Variants in PPP3CA observed in about 807,000 individuals in gnomAD.
PPP3CA encodes protein phosphatase 3 catalytic subunit alpha.
PPP3CA carries 14 observed loss-of-function variants against 66.5 expected under a neutral mutation model. The observed-to-expected ratio is 0.21, with a 90% confidence interval of 0.14 to 0.33. The LOEUF (loss-of-function observed/expected upper bound fraction) is 0.33. Ranked by LOEUF, PPP3CA falls within the 10% of genes least tolerant of loss-of-function variation. The pLI, the probability that PPP3CA is intolerant of heterozygous loss-of-function variation, is 1.00. For missense variants in PPP3CA, 317 were observed against 639.5 expected (o/e 0.50, Z 5.44); for synonymous variants, 232 against 226.2 (o/e 1.03, Z -0.23).
chr4:101,076,154 C>A (rs1404068857), intron 8 of PPP3CA, among the ~76,000 whole-genome samples: 1 of 151,998 alleles, frequency 6.6e-6, no homozygotes, highest in African/African-American at 2.4e-5. Flanking sequence ...GGAGAAAATT[C>A]AACAATCCAG....
In PPP3CA at chr4:101,265,290, G is replaced by A. The variant is rs190614867; in HGVS notation, c.59-69174C>T. 1.5e-3 allele frequency among the ~76,000 whole-genome samples: 235 copies of A among 151,938 alleles called. 1 individual carries two copies. The highest frequency in any genetic ancestry group is 0.014 in the Middle Eastern group (4 of 294). ...TTTTATTTATTTTTTTTATTTATTT[G>A]TAGAGACAGGGTCTTGCTCTGTTGC... On this transcript the variant is annotated intron_variant, in intron 1 of 13. Coordinates refer to ENST00000394854, the MANE Select transcript of PPP3CA (RefSeq NM_000944.5).
chr4:101,333,278 T>G (rs1426519570), intron 1 of PPP3CA, among the ~76,000 whole-genome samples: 17 of 46,808 alleles, frequency 3.6e-4, no homozygotes, highest in African/African-American at 2.7e-3. Context: ...CAGTTTTTTT[T>G]TTTTTTTTTT....
intron 2 of PPP3CA, among the ~76,000 whole-genome samples, chr4:101,185,552 T>C (rs1724384385): frequency 6.6e-6 from 1 of 152,232 alleles, no homozygotes; most frequent in African/African-American, 2.4e-5. Flanking sequence ...AATTTTTACT[T>C]CACCTCACTA....
At chr4:101,344,593 G>C (rs942517074) in intron 1 of PPP3CA, among the ~76,000 whole-genome samples, 98 of 152,054 alleles carry the variant, frequency 6.4e-4, no homozygotes, top group African/African-American at 2.3e-3. Context: ...TTAAATTATG[G>C]GTGAGTGTGT....
chr4:101,240,076 G>A (rs1189800516), intron 1 of PPP3CA, among the ~76,000 whole-genome samples: 2 of 151,106 alleles, frequency 1.3e-5, no homozygotes, highest in Non-Finnish European at 2.9e-5. Flanking sequence ...GATAGTTACT[G>A]GAACACAAGA....
chr4:101,223,386 C>T (rs184849876), intron 1 of PPP3CA, among the ~76,000 whole-genome samples: 1 of 151,800 alleles, frequency 6.6e-6, no homozygotes, highest in Non-Finnish European at 1.5e-5. Flanking sequence ...GCCAAACAGC[C>T]CAGTGACTTA....
chr4:101,219,550 T>C (rs1053882314), intron 1 of PPP3CA, among the ~76,000 whole-genome samples: 4 of 151,878 alleles, frequency 2.6e-5, no homozygotes, highest in African/African-American at 9.7e-5. Context: ...TACAAGAAAA[T>C]GTCACTTGTA....
chr4:101,095,312 A>G (rs569677362), intron 5 of PPP3CA, among the ~76,000 whole-genome samples: 47 of 152,298 alleles, frequency 3.1e-4, no homozygotes, highest in African/African-American at 1.0e-3. Context: ...GATTAATATG[A>G]ATCCCCAACT....
intron 10 of PPP3CA, among the ~76,000 whole-genome samples, chr4:101,058,222 C>A (rs923060818): frequency 6.6e-6 from 1 of 152,088 alleles, no homozygotes; most frequent in Non-Finnish European, 1.5e-5. Context: ...TTTTAATATG[C>A]ATTGAATACT....
intron 2 of PPP3CA, among the ~76,000 whole-genome samples, chr4:101,162,999 C>T (rs767142824): frequency 5.9e-5 from 9 of 152,180 alleles, no homozygotes; most frequent in Non-Finnish European, 8.8e-5. Flanking sequence ...GATGTACTCA[C>T]ATCATGTGAT....
intron 2 of PPP3CA, among the ~76,000 whole-genome samples, chr4:101,173,404 T>TG (rs1214862394): frequency 2.0e-5 from 3 of 151,080 alleles, no homozygotes; most frequent in African/African-American, 7.3e-5. Flanking sequence ...TTTAGAGGGC[T>TG]TTTTTTTTCA....
At chr4:101,068,957 G>C (rs1728796425) in intron 8 of PPP3CA, among the ~76,000 whole-genome samples, 1 of 152,256 alleles carries the variant, frequency 6.6e-6, no homozygotes, top group South Asian at 2.1e-4. Flanking sequence ...GTATGGGAAA[G>C]TTAATGTTTA....
At chr4:101,131,236 CAAAA>C (rs1722421636) in intron 2 of PPP3CA, among the ~76,000 whole-genome samples, 1 of 108,016 alleles carries the variant, frequency 9.3e-6, no homozygotes, top group Middle Eastern at 4.1e-3. Context: ...GACTCCGTCT[CAAAA>C]TAAATAAATA....
chr4:101,340,969 T>C (rs549079308), intron 1 of PPP3CA, among the ~76,000 whole-genome samples: 2 of 152,284 alleles, frequency 1.3e-5, no homozygotes, highest in South Asian at 4.1e-4. Flanking sequence ...TGTATATATT[T>C]ACCTGAACAG....
chr4:101,146,768 T>C (rs567117888), intron 2 of PPP3CA, among the ~76,000 whole-genome samples: 1 of 152,284 alleles, frequency 6.6e-6, no homozygotes, highest in African/African-American at 2.4e-5. Flanking sequence ...GTATATTTAC[T>C]ATCTACCAGG....
intron 1 of PPP3CA, among the ~76,000 whole-genome samples, chr4:101,227,115 T>G (rs537616158): frequency 1.3e-5 from 1 of 77,498 alleles, no homozygotes; most frequent in African/African-American, 4.6e-5. Context: ...GGTGTGTACA[T>G]ACACACATAC....
At chr4:101,067,565 A>C (rs1030410894) in intron 8 of PPP3CA, among the ~76,000 whole-genome samples, 11 of 150,976 alleles carry the variant, frequency 7.3e-5, no homozygotes, top group African/African-American at 2.7e-4. Context: ...CTAGTATTTC[A>C]TAAGAACATG....
chr4:101,259,625 T>C (rs1726952310), intron 1 of PPP3CA, among the ~76,000 whole-genome samples: 1 of 152,152 alleles, frequency 6.6e-6, no homozygotes, highest in Admixed American at 6.6e-5. Context: ...AGTACATCAT[T>C]ATAAGCCAGA....
intron 1 of PPP3CA, among the ~76,000 whole-genome samples, chr4:101,285,633 G>A (rs968456264): frequency 6.7e-6 from 1 of 149,920 alleles, no homozygotes; most frequent in African/African-American, 2.5e-5. Context: ...GTGTGTGTGT[G>A]TGTGTGTGTG....
Sources: gnomAD v4.1 joint callset for allele counts (sites outside exome capture counted in the v4.1 genomes callset) on GRCh38, gnomAD v4.1.1 for gene constraint, MANE v1.5 for transcripts, NCBI Gene and HGNC (gene_info 2026-07-23, HGNC 2026-07-21) for gene names.